LRCH1: variants seen among roughly 807,000 people sequenced by gnomAD.
LRCH1 encodes the protein leucine rich repeats and calponin homology domain containing 1.
Under a neutral mutation model 94.9 loss-of-function variants are expected in LRCH1, and 23 were observed. The observed-to-expected ratio is 0.24, with a 90% CI of 0.17 to 0.34. The LOEUF (loss-of-function observed/expected upper bound fraction) is 0.34, where lower values mean the gene tolerates loss of function less well. LRCH1 is among the 10% of genes least tolerant of loss of function. The pLI, the probability that LRCH1 is intolerant of heterozygous loss-of-function variation, is 1.00. For missense variants in LRCH1, 790 were observed against 945.9 expected, an observed-to-expected ratio of 0.84 and a Z score of 2.16; for synonymous variants, 364 against 354.9, an observed-to-expected ratio of 1.03 and a Z score of -0.29.
At chr13:46,655,235 A>G (rs1593327893) in intron 2 of LRCH1, among the ~76,000 whole-genome samples, 2 of 152,240 alleles carry the variant, frequency 1.3e-5, no homozygotes, top group South Asian at 4.1e-4. Context: ...TTTAAATGTC[A>G]AAAGGCTGCT....
rs1342244831 is a variant in LRCH1, at chr13:46,741,801, A to G, written c.2245A>G (p.Ile749Val). The part of the protein sequence containing the change: ...IGFCLVHILF[I>V]VLVYITYHWN... Reference sequence around the variant, plus strand: ...CTTCTGTCTTGTCCATATTCTCTTTATAGTGCTGGTCTATATCACTTACCA... The same window carrying G: ...CTTCTGTCTTGTCCATATTCTCTTTGTAGTGCTGGTCTATATCACTTACCA... Residue 749 changes from isoleucine to valine, a missense_variant, in exon 20 of 20, where the codon ATA becomes GTA. Physicochemically the swap from Ile to Val is conservative, Grantham distance 29. Coordinates refer to ENST00000389797, the MANE Select transcript of LRCH1 (RefSeq NM_001164211.2). 6 of 1,614,126 alleles carry G rather than the reference A, an allele frequency of 3.7e-6. No individual in the cohort carries two copies. The highest frequency in any genetic ancestry group is 5.1e-6 in the Non-Finnish European group (6 of 1,180,038).
At chr13:46,746,538 C>T (rs1041722681), downstream of LRCH1, among the ~76,000 whole-genome samples, 7 of 151,992 alleles carry the variant, frequency 4.6e-5, no homozygotes, top group African/African-American at 1.5e-4. Context: ...AGAAACACAA[C>T]AAAAAAAGCC....
rs1479207037 is a variant in LRCH1, at chr13:46,687,845, T to A, written c.823-7T>A. The A allele has an allele frequency of 6.2e-7, 1 of 1,607,468 alleles. No homozygotes were observed. The highest frequency in any genetic ancestry group is 2.2e-5 in the East Asian group (1 of 44,782). The stretch of plus-strand genomic sequence containing the variant: ...AATGAATATGATTGCTATTAATTTC[T>A]TTGTAGATTTGCACAAAGGGCAAAG... On this transcript the variant is annotated splice_polypyrimidine_tract_variant and splice_region_variant and intron_variant, in intron 5 of 19. Transcript: ENST00000389797.
intron 1 of LRCH1, among the ~76,000 whole-genome samples, chr13:46,597,962 C>G (rs1200906882): frequency 6.6e-6 from 1 of 152,100 alleles, no homozygotes; most frequent in Non-Finnish European, 1.5e-5. Context: ...ACTTCATAGA[C>G]AGAACTACCA....
chr13:46,587,218 G>A (rs1477957637), intron 1 of LRCH1, among the ~76,000 whole-genome samples: 2 of 152,222 alleles, frequency 1.3e-5, no homozygotes, highest in South Asian at 2.1e-4. Flanking sequence ...GAAGAGTGGA[G>A]AGTTGGCCTT....
chr13:46,605,807 A>G (rs2050680682), intron 1 of LRCH1, among the ~76,000 whole-genome samples: 1 of 152,234 alleles, frequency 6.6e-6, no homozygotes, highest in South Asian at 2.1e-4. Context: ...GATAAAAACA[A>G]ACCTATAATT....
chr13:46,620,857 T>C (rs1008911181), intron 1 of LRCH1, among the ~76,000 whole-genome samples: 9 of 152,250 alleles, frequency 5.9e-5, no homozygotes, highest in Non-Finnish European at 1.3e-4. Flanking sequence ...TTATATCACA[T>C]GCTGAAATGT....
At chr13:46,654,391 T>C (rs1424540587) in intron 2 of LRCH1, among the ~76,000 whole-genome samples, 1 of 152,208 alleles carries the variant, frequency 6.6e-6, no homozygotes, top group Non-Finnish European at 1.5e-5. Context: ...ATAAAATATA[T>C]ATTTTGTTGG....
chr13:46,603,849 G>A (rs1276364871), intron 1 of LRCH1, among the ~76,000 whole-genome samples: 1 of 152,200 alleles, frequency 6.6e-6, no homozygotes, highest in African/African-American at 2.4e-5. Flanking sequence ...TAGAGATGGG[G>A]TCTCACTATG....
intron 15 of LRCH1, among the ~76,000 whole-genome samples, chr13:46,714,340 C>A (rs1377197431): frequency 6.6e-6 from 1 of 152,106 alleles, no homozygotes; most frequent in East Asian, 1.9e-4. Context: ...AAATTTATTT[C>A]ATTTTATTTA....
intron 1 of LRCH1, among the ~76,000 whole-genome samples, chr13:46,621,157 G>C (rs1201500571): frequency 6.6e-6 from 1 of 152,222 alleles, no homozygotes; most frequent in African/African-American, 2.4e-5. Flanking sequence ...TTCCGCTAGT[G>C]TCATGTAAAT....
At position 46,569,470 on chromosome 13, in the gene LRCH1, C is replaced by G. The variant is rs76171196; in HGVS notation, c.307+15767C>G. ...GTACATTGTTAATGTAGAGAACTGC[C>G]CTTTGCTGGGAGAAGTTAAGCACTT... is the stretch of plus-strand genomic sequence containing the variant. On this transcript the variant is annotated intron_variant, in intron 1 of 19. Transcript: ENST00000389797. 1.8e-3 allele frequency among the ~76,000 whole-genome samples: 279 copies of G among 152,262 alleles called. 4 individuals are homozygous for G. The East Asian group carries it at 0.04, about 22-fold the overall frequency.
chr13:46,573,929 C>T (rs1374931343), intron 1 of LRCH1, among the ~76,000 whole-genome samples: 4 of 141,316 alleles, frequency 2.8e-5, no homozygotes, highest in Non-Finnish European at 6.1e-5. Context: ...GTGGCATGAT[C>T]TCAGCTCACT....
At chr13:46,733,063 C>T (rs946452586) in intron 18 of LRCH1, among the ~76,000 whole-genome samples, 4 of 152,022 alleles carry the variant, frequency 2.6e-5, no homozygotes, top group Non-Finnish European at 4.4e-5. Flanking sequence ...GAATGAATTC[C>T]GTCATTCTCA....
intron 14 of LRCH1, 30 bp from the exon 15 acceptor site, chr13:46,712,495 T>C: frequency 6.5e-7 from 1 of 1,537,390 alleles, no homozygotes; most frequent in Non-Finnish European, 9.0e-7. Context: ...TTTATTTTTT[T>C]CCTAATTTCC....
chr13:46,719,349 G>A (rs1240527682), intron 16 of LRCH1, among the ~76,000 whole-genome samples: 4 of 152,226 alleles, frequency 2.6e-5, no homozygotes, highest in African/African-American at 9.6e-5. Flanking sequence ...TCACTGCTTT[G>A]TGGGGCAGGA....
chr13:46,749,159 G>A (rs970837409), downstream of LRCH1, among the ~76,000 whole-genome samples: 1 of 152,172 alleles, frequency 6.6e-6, no homozygotes, highest in Non-Finnish European at 1.5e-5. Flanking sequence ...CCTAGGGCTG[G>A]ATGCAGATCC....
At chr13:46,696,228 A>T (rs397851421) in intron 9 of LRCH1, among the ~76,000 whole-genome samples, 2 of 141,482 alleles carry the variant, frequency 1.4e-5, no homozygotes, top group African/African-American at 6.0e-5. Context: ...ACACACACAC[A>T]CACACTCTTT....
intron 1 of LRCH1, among the ~76,000 whole-genome samples, chr13:46,557,632 C>T (rs1008545441): frequency 2.0e-5 from 3 of 151,606 alleles, no homozygotes; most frequent in Non-Finnish European, 4.4e-5. Flanking sequence ...CACCTGAGGT[C>T]AGGAGTTTGA....
Sources: gnomAD v4.1 joint callset for allele counts (sites outside exome capture counted in the v4.1 genomes callset) on GRCh38, gnomAD v4.1.1 for gene constraint, MANE v1.5 for transcripts, NCBI Gene and HGNC (gene_info 2026-07-23, HGNC 2026-07-21) for gene names.